The following KIAA1671 variants were observed in gnomAD, a reference collection of about 807,000 sequenced individuals.
The protein encoded by KIAA1671 is uncharacterized protein KIAA1671.
Under a neutral mutation model 131.2 loss-of-function variants are expected in KIAA1671, and 52 were observed. The observed-to-expected ratio is 0.40, with a 90% CI of 0.32 to 0.50. KIAA1671 has a LOEUF of 0.50. Among genes scored for constraint, KIAA1671 ranks in the 20% least tolerant of loss-of-function variants. KIAA1671 has a pLI of 0.73. For synonymous variants in KIAA1671, 1,003 were observed against 961.6 expected (o/e 1.04, Z -0.80); for missense variants, 2,360 against 2,364.2 (o/e 1.00, Z 0.04).
chr22:24,985,591 G>A (rs1304906463), intron 1 of KIAA1671, among the ~76,000 whole-genome samples: 1 of 152,100 alleles, frequency 6.6e-6, no homozygotes, highest in African/African-American at 2.4e-5. Flanking sequence ...CGCCCACCTC[G>A]GCCTCCCAAA....
In KIAA1671 at chr22:25,065,649, T is replaced by TA. The variant is rs916069953; in HGVS notation, c.4530+16285_4530+16286insA. On this transcript the variant is annotated intron_variant, in intron 6 of 12. Coordinates refer to ENST00000358431, the MANE Select transcript of KIAA1671 (RefSeq NM_001145206.2). ...AAAGAATTATTATTATTATTATTAT[T>TA]TTTTTTTTTTTGAGACAGTCTCGCT... Among the ~76,000 whole-genome samples the TA allele has an allele frequency of 1.0e-3, 150 of 143,792 alleles. No homozygotes were observed. The South Asian group carries it at 0.012, about 11-fold the overall frequency. The allele number at this position is 143,792 out of a possible 152,430, so 94.3% of individuals were successfully genotyped here.
chr22:25,180,470 G>A (rs893246207), intron 9 of KIAA1671, among the ~76,000 whole-genome samples: 2 of 152,070 alleles, frequency 1.3e-5, no homozygotes, highest in African/African-American at 4.8e-5. Context: ...CCCAGGAGGC[G>A]GAGGTTGCAG....
chr22:25,184,962 C>A lies in KIAA1671; in HGVS notation c.5200-15C>A, dbSNP rs770635130. 16 of 1,550,978 alleles carry A rather than the reference C, an allele frequency of 1.0e-5. No individual in the cohort carries two copies. In the African/African-American group the frequency reaches 2.1e-4, roughly 20 times the overall value. On this transcript the variant is annotated splice_polypyrimidine_tract_variant and intron_variant, in intron 10 of 12. Coordinates refer to ENST00000358431, the MANE Select transcript of KIAA1671 (RefSeq NM_001145206.2). ...CAAAGGGCAGCTTATAGACTCAGCT[C>A]TCTTTTCTCCCCAGGCTCAGCTGCA...
intron 7 of KIAA1671, 112 bp from the exon 8 acceptor site, chr22:25,174,128 T>C: frequency 2.5e-6 from 3 of 1,180,880 alleles, no homozygotes; most frequent in Middle Eastern, 2.8e-4. Context: ...TGTTGTTACT[T>C]GGCTTATAAA....
intron 6 of KIAA1671, among the ~76,000 whole-genome samples, chr22:25,127,570 C>T (rs1433006122): frequency 2.0e-5 from 3 of 152,192 alleles, no homozygotes; most frequent in African/African-American, 7.2e-5. Context: ...CCCATCCTGC[C>T]CCACCCCACC....
chr22:25,093,834 G>GTCTCTC (rs1568951583), intron 6 of KIAA1671, among the ~76,000 whole-genome samples: 13 of 16,952 alleles, frequency 7.7e-4, no homozygotes, highest in South Asian at 4.0e-3. Flanking sequence ...TTCTCTCTCT[G>GTCTCTC]TCTGTCTCTC....
chr22:25,190,692 G>A lies in KIAA1671; in HGVS notation c.5343-10G>A, dbSNP rs1934644842. On this transcript the variant is annotated splice_polypyrimidine_tract_variant and intron_variant, in intron 11 of 12. Coordinates refer to ENST00000358431, the MANE Select transcript of KIAA1671 (RefSeq NM_001145206.2). ...TTTCAACTAGTCTCTTACTGGCTTT[G>A]TGGTTTCAGGTCGGATGAACCCTCT... is the stretch of plus-strand genomic sequence containing the variant. The A allele has an allele frequency of 6.4e-7, 1 of 1,550,636 alleles. No individual in the cohort carries two copies. The highest frequency in any genetic ancestry group is 2.4e-5 in the East Asian group (1 of 40,908).
chr22:25,192,704 T>G lies in KIAA1671; in HGVS notation c.*303T>G, dbSNP rs903258719. The G allele has an allele frequency of 4.6e-5, 7 of 152,254 alleles. No homozygotes were observed. The highest frequency in any genetic ancestry group is 1.7e-4 in the African/African-American group (7 of 41,462). 9.4% of individuals were successfully genotyped at this position (152,254 alleles called of 1,614,324 possible). A position where few individuals can be genotyped will look rare whatever the true frequency, so the allele number is the denominator to read the frequency against. On this transcript the variant is annotated 3_prime_UTR_variant, in exon 13 of 13. Coordinates refer to ENST00000358431, the MANE Select transcript of KIAA1671 (RefSeq NM_001145206.2). ...TTGCTTTTTATGTAAAAATTTGCAT[T>G]TCTACCTATTTTAGACACCTTCATC...
At chr22:25,058,570 A>G (rs1468780439) in intron 6 of KIAA1671, 1 of 151,866 alleles carries the variant, frequency 6.6e-6, no homozygotes, top group Non-Finnish European at 1.5e-5. Context: ...CTGCTGCTCT[A>G]GGGCCTTGTG....
intron 5 of KIAA1671, among the ~76,000 whole-genome samples, chr22:25,047,956 C>A: frequency 6.6e-6 from 1 of 152,216 alleles, no homozygotes; most frequent in Non-Finnish European, 1.5e-5. Context: ...TTAGCTCTTA[C>A]ATTTAGGTCT....
At chr22:25,135,087 C>T (rs1466316588) in intron 6 of KIAA1671, among the ~76,000 whole-genome samples, 1 of 152,136 alleles carries the variant, frequency 6.6e-6, no homozygotes, top group African/African-American at 2.4e-5. Flanking sequence ...AGTCCCTATC[C>T]CTGCCCCATC....
At chr22:25,171,530 G>A (rs1480497385) in intron 7 of KIAA1671, among the ~76,000 whole-genome samples, 1 of 152,062 alleles carries the variant, frequency 6.6e-6, no homozygotes, top group East Asian at 1.9e-4. Context: ...TGGCCAACAT[G>A]GCGAAACCCC....
chr22:25,192,239 T>G (rs545017658), intron 12 of KIAA1671, among the ~76,000 whole-genome samples, 167 bp from the exon 13 acceptor site: 71 of 152,224 alleles, frequency 4.7e-4, no homozygotes, highest in African/African-American at 1.7e-3. Flanking sequence ...CCTGCCACCC[T>G]CCTCACCTCC....
chr22:25,178,815 C>A (rs1934141952), intron 9 of KIAA1671, among the ~76,000 whole-genome samples: 1 of 152,090 alleles, frequency 6.6e-6, no homozygotes, highest in Non-Finnish European at 1.5e-5. Context: ...TCCGGCTGCA[C>A]ACGCAGGCTC....
chr22:25,118,938 C>T (rs574443714), intron 6 of KIAA1671, among the ~76,000 whole-genome samples: 10 of 152,254 alleles, frequency 6.6e-5, no homozygotes, highest in Admixed American at 6.5e-5. Context: ...GGCTTCCCGA[C>T]GTTCCAGGCT....
chr22:25,060,738 T>G (rs1928114297), intron 6 of KIAA1671: 1 of 152,176 alleles, frequency 6.6e-6, no homozygotes. Context: ...TGCCTCATTC[T>G]CCTCCCAGGT....
intron 6 of KIAA1671, among the ~76,000 whole-genome samples, chr22:25,092,013 C>G (rs1453534298): frequency 6.6e-6 from 1 of 152,148 alleles, no homozygotes; most frequent in African/African-American, 2.4e-5. Context: ...TGTTTATCCA[C>G]TCAACAAATA....
intron 1 of KIAA1671, among the ~76,000 whole-genome samples, chr22:24,990,205 C>T (rs1308261907): frequency 6.6e-6 from 1 of 152,096 alleles, no homozygotes; most frequent in Non-Finnish European, 1.5e-5. Flanking sequence ...ATTCTCCTGC[C>T]TCAGCCTCCC....
At chr22:25,114,502 G>A (rs1931554722) in intron 6 of KIAA1671, among the ~76,000 whole-genome samples, 1 of 152,230 alleles carries the variant, frequency 6.6e-6, no homozygotes, top group Admixed American at 6.5e-5. Context: ...CGCAAGGCCA[G>A]GGACCCCCTG....
Sources: gnomAD v4.1 joint callset for allele counts (sites outside exome capture counted in the v4.1 genomes callset) on GRCh38, gnomAD v4.1.1 for gene constraint, MANE v1.5 for transcripts, NCBI Gene and HGNC (gene_info 2026-07-23, HGNC 2026-07-21) for gene names.